The following IFT74 variants were observed in gnomAD, a reference collection of about 807,000 sequenced individuals.
IFT74 encodes the protein intraflagellar transport protein 74 homolog.
In IFT74, 92 loss-of-function variants were observed where a neutral mutation model predicts 96.7. The observed-to-expected ratio is 0.95, with a 90% CI of 0.80 to 1.13. The LOEUF (loss-of-function observed/expected upper bound fraction) is 1.13, where lower values mean the gene tolerates loss of function less well. Ranked by LOEUF, IFT74 falls within the 50% of genes most tolerant of loss-of-function variation. IFT74 has a pLI of 0.00. For missense variants in IFT74, 811 were observed against 698.2 expected, an observed-to-expected ratio of 1.16 and a Z score of -1.82; for synonymous variants, 223 against 213.2, an observed-to-expected ratio of 1.05 and a Z score of -0.40.
At chr9:26,951,205 T>A (rs2131453862) in intron 1 of IFT74, among the ~76,000 whole-genome samples, 1 of 152,192 alleles carries the variant, frequency 6.6e-6, no homozygotes, top group East Asian at 1.9e-4. Context: ...AAAATTTAAT[T>A]TTAAAAGCCC....
chr9:27,060,753 T>C, intron 19 of IFT74, 102 bp downstream of exon 19: 4 of 678,562 alleles, frequency 5.9e-6, no homozygotes, highest in Non-Finnish European at 9.9e-6. Context: ...GGTCAGGAGA[T>C]TGAGACCACC....
chr9:27,057,149 T>G (rs1015637721), intron 18 of IFT74, among the ~76,000 whole-genome samples: 1 of 152,298 alleles, frequency 6.6e-6, no homozygotes, highest in Non-Finnish European at 1.5e-5. Flanking sequence ...GATATTTAGG[T>G]AATTTCTAGT....
intron 2 of IFT74, among the ~76,000 whole-genome samples, chr9:26,967,123 A>G (rs1269353192): frequency 1.5e-5 from 2 of 132,986 alleles, no homozygotes; most frequent in Admixed American, 7.4e-5. Context: ...TTTTTTTTCT[A>G]TTTTTGAGAA....
At chr9:27,028,506 CCAG>C (rs1454487006) in intron 12 of IFT74, among the ~76,000 whole-genome samples, 1 of 152,134 alleles carries the variant, frequency 6.6e-6, no homozygotes, top group East Asian at 1.9e-4. Context: ...GCCTGTAATC[CCAG>C]CACTTTGGGA....
chr9:27,033,957 A>C (rs1830242956), intron 13 of IFT74, among the ~76,000 whole-genome samples: 1 of 152,186 alleles, frequency 6.6e-6, no homozygotes, highest in Non-Finnish European at 1.5e-5. Context: ...CATCACTGAC[A>C]GTTCCGAAGT....
chr9:27,013,656 GTATC>G (rs1829215043), intron 10 of IFT74, among the ~76,000 whole-genome samples: 1 of 152,136 alleles, frequency 6.6e-6, no homozygotes, highest in African/African-American at 2.4e-5. Flanking sequence ...ATAAAGTTGA[GTATC>G]TATTTATATC....
chr9:26,982,878 T>C (rs1827449469), intron 4 of IFT74, among the ~76,000 whole-genome samples: 1 of 152,148 alleles, frequency 6.6e-6, no homozygotes, highest in Non-Finnish European at 1.5e-5. Flanking sequence ...AGGCGTGAGC[T>C]GCCGCACTCG....
In IFT74 at chr9:26,999,682, C is replaced by T. The variant is rs1828369346; in HGVS notation, c.588-9338C>T. ...AGGGGCCAAAAGAGGATTGTGATGC[C>T]TGTGACTTTCATGTTGCAGACCTGA... On this transcript the variant is annotated intron_variant, in intron 8 of 19. Transcript: ENST00000380062. The T allele has an allele frequency of 6.2e-7, 1 of 1,607,492 alleles. No individual in the cohort carries two copies. Among genetic ancestry groups the T allele is most frequent in the African/African-American group, 1.3e-5 (1 of 74,466 alleles).
chr9:26,976,776 C>T lies in IFT74; in HGVS notation c.121-1352C>T, dbSNP rs371477310. 13 of 455,924 alleles carry T rather than the reference C, an allele frequency of 2.9e-5. No individual in the cohort carries two copies. In the East Asian group the frequency reaches 7.6e-4, roughly 27 times the overall value. The allele number at this position is 455,924 out of a possible 1,614,324, so 28.2% of individuals were successfully genotyped here. ...ATATCTCACATCTTTTATATCTTCT[C>T]ATGCCTGTATGTATTATATGAACTG... On this transcript the variant is annotated intron_variant, in intron 2 of 19. Coordinates refer to ENST00000380062, the MANE Select transcript of IFT74 (RefSeq NM_025103.4).
intron 10 of IFT74, among the ~76,000 whole-genome samples, chr9:27,014,341 A>G (rs562890705): frequency 1.8e-4 from 27 of 152,334 alleles, no homozygotes; most frequent in Non-Finnish European, 3.2e-4. Flanking sequence ...CACATTTAGT[A>G]TTAATACAAC....
At chr9:26,956,227 T>G (rs1826084195), upstream of IFT74, 1 of 152,214 alleles carries the variant, frequency 6.6e-6, no homozygotes, top group African/African-American at 2.4e-5. Context: ...ATGTTTGTCT[T>G]CCAGCCGCCC....
intron 14 of IFT74, among the ~76,000 whole-genome samples, chr9:27,045,970 G>A (rs1366090586): frequency 1.3e-5 from 2 of 151,926 alleles, no homozygotes; most frequent in East Asian, 1.9e-4. Context: ...TGGCACTTAG[G>A]TGTCAATAAG....
intron 2 of IFT74, among the ~76,000 whole-genome samples, chr9:26,970,884 G>A (rs542536424): frequency 7.2e-5 from 11 of 152,158 alleles, no homozygotes; most frequent in Non-Finnish European, 1.3e-4. Context: ...CAGGGTAACC[G>A]GGTTTCTAGG....
In IFT74 at chr9:27,064,106, C is replaced by T. The variant is rs1820536255; in HGVS notation, c.*1370C>T. ...AAGAATATATACTGTAAAGCATTTC[C>T]CAGAGATAGTTGTCCACAAAACCCT... On this transcript the variant is annotated 3_prime_UTR_variant, in exon 20 of 20. Transcript: ENST00000380062. 6.6e-6 allele frequency among the ~76,000 whole-genome samples: 1 copy of T among 152,026 alleles called. No individual in the cohort carries two copies. The highest frequency in any genetic ancestry group is 1.5e-5 in the Non-Finnish European group (1 of 67,946).
chr9:26,995,260 G>T (rs528969949), intron 8 of IFT74: 17 of 257,858 alleles, frequency 6.6e-5, no homozygotes, highest in Admixed American at 3.9e-4. Flanking sequence ...TTACTAGTTC[G>T]TATGGTCACC....
chr9:26,947,112 A>G (rs1825758725), exon 1 of IFT74: 3 of 1,409,866 alleles, frequency 2.1e-6, no homozygotes, highest in Admixed American at 3.1e-5. Flanking sequence ...GGCGACTCGG[A>G]GAGCGCCGGG....
intron 8 of IFT74, chr9:26,997,601 T>A: frequency 1.0e-6 from 1 of 987,406 alleles, no homozygotes. Flanking sequence ...CCCATAGTGA[T>A]GGGATTACAG....
intron 6 of IFT74, among the ~76,000 whole-genome samples, chr9:26,987,111 G>A (rs947664267): frequency 1.3e-5 from 2 of 151,990 alleles, no homozygotes; most frequent in African/African-American, 4.8e-5. Context: ...GTGCAGTGGC[G>A]TGATCTTGGC....
At chr9:27,026,077 C>A (rs1276417878) in intron 12 of IFT74, among the ~76,000 whole-genome samples, 1 of 152,130 alleles carries the variant, frequency 6.6e-6, no homozygotes, top group Non-Finnish European at 1.5e-5. Context: ...CAAGTATCTC[C>A]CATCTTCAAG....
Sources: gnomAD v4.1 joint callset for allele counts (sites outside exome capture counted in the v4.1 genomes callset) on GRCh38, gnomAD v4.1.1 for gene constraint, MANE v1.5 for transcripts, NCBI Gene and HGNC (gene_info 2026-07-23, HGNC 2026-07-21) for gene names.